The following COMMD4 variants were observed in gnomAD, a reference collection of about 807,000 sequenced individuals.
COMMD4 encodes COMM domain-containing protein 4.
COMMD4 carries 18 observed loss-of-function variants against 27.5 expected under a neutral mutation model. The ratio of observed to expected loss-of-function variants is 0.65; its 90% CI spans 0.45 to 0.97. COMMD4 has a LOEUF of 0.97. Ranked by LOEUF, COMMD4 falls within the 50% of genes least tolerant of loss-of-function variation. The pLI is 0.00. For missense variants in COMMD4, 243 were observed against 250.0 expected (o/e 0.97, Z 0.19); for synonymous variants, 108 against 108.4 (o/e 1.00, Z 0.02).
At position 75,338,630 on chromosome 15, in the gene COMMD4, TCTC is replaced by T; in HGVS notation, c.142-13_142-11del. 1 of 1,613,556 alleles carries T rather than the reference TCTC, an allele frequency of 6.2e-7. No homozygotes were observed. Among genetic ancestry groups the T allele is most frequent in the South Asian group, 1.1e-5 (1 of 91,016 alleles). ...GCAGGGGCCTGGCACCCCCTGAAGG[TCTC>T]CTTTCCCCATAGTATGAGAAGATCC... On this transcript the variant is annotated splice_polypyrimidine_tract_variant and intron_variant, in intron 3 of 7. Coordinates refer to ENST00000267935, the MANE Select transcript of COMMD4 (RefSeq NM_017828.5).
At chr15:75,338,311 G>A (rs765231395) in intron 2 of COMMD4, 44 bp from the exon 3 acceptor site, 79 of 1,517,336 alleles carry the variant, frequency 5.2e-5, no homozygotes, top group Middle Eastern at 4.6e-4. Flanking sequence ...AGGAAGGAGG[G>A]GTGAGGTTTG....
chr15:75,338,454 G>T, intron 3 of COMMD4, 34 bp downstream of exon 3: 1 of 1,607,168 alleles, frequency 6.2e-7, no homozygotes, highest in Non-Finnish European at 8.5e-7. Context: ...ATTGTCCCAT[G>T]ACCTTATGAC....
At chr15:75,341,736 A>C (rs1398352618), downstream of COMMD4, 1 of 152,170 alleles carries the variant, frequency 6.6e-6, no homozygotes, top group African/African-American at 2.4e-5. Flanking sequence ...TTAGGGTCTC[A>C]GAAGGTAAGG....
rs2071299322 is a variant in COMMD4, at chr15:75,338,390, A to C, written c.111A>C (p.Val37=). ...SVKLRLLCSQ[V]LKELLGQGID... ...AGTTGCGGCTGCTCTGCAGCCAGGT[A>C]CTAAAGGAGCTGCTGGGACAGGGGA... Residue 37 remains valine (V), a synonymous_variant, in exon 3 of 8, where the codon GTA becomes GTC. Transcript: ENST00000267935. The C allele has an allele frequency of 3.1e-6, 5 of 1,598,804 alleles. No individual in the cohort carries two copies. Among genetic ancestry groups the C allele is most frequent in the East Asian group, 2.2e-5 (1 of 44,626 alleles).
chr15:75,336,721 C>T (rs1485456193), intron 1 of COMMD4: 2 of 153,996 alleles, frequency 1.3e-5, no homozygotes, highest in Non-Finnish European at 2.9e-5. Context: ...GGGCAGAGAC[C>T]TAACTGCGCC....
intron 5 of COMMD4, 74 bp from the exon 6 acceptor site, chr15:75,339,190 C>G: frequency 6.2e-7 from 1 of 1,612,024 alleles, no homozygotes; most frequent in Non-Finnish European, 8.5e-7. Flanking sequence ...TGAGGTGTAC[C>G]TGCCCTGTCT....
At chr15:75,343,191 A>T (rs1344572812), downstream of COMMD4, 2 of 152,198 alleles carry the variant, frequency 1.3e-5, no homozygotes, top group East Asian at 1.9e-4. Context: ...TACAATTATT[A>T]TTTGTCAATT....
chr15:75,337,943 G>A, intron 1 of COMMD4, 119 bp from the exon 2 acceptor site: 1 of 988,242 alleles, frequency 1.0e-6, no homozygotes, highest in South Asian at 1.6e-5. Context: ...GAGGCCAGAG[G>A]GTATCCATCT....
At chr15:75,336,512 G>T (rs886285636) in intron 1 of COMMD4, 10 of 394,070 alleles carry the variant, frequency 2.5e-5, no homozygotes, top group African/African-American at 2.1e-4. Context: ...ACACTGTTAG[G>T]AAGCCCCTCC....
At chr15:75,339,369 C>T (rs372056038) in intron 6 of COMMD4, 25 bp downstream of exon 6, 207 of 1,606,696 alleles carry the variant, frequency 1.3e-4, no homozygotes, top group Middle Eastern at 2.2e-4. Flanking sequence ...AGCCAGGGTC[C>T]GGGCTCATTC....
downstream of COMMD4, chr15:75,340,928 T>A (rs529537956): frequency 2.0e-4 from 30 of 152,328 alleles, no homozygotes; most frequent in African/African-American, 7.2e-4. Context: ...ATTACAGGCG[T>A]AAGCCACTGC....
At chr15:75,338,184 G>T in intron 2 of COMMD4, 51 bp downstream of exon 2, 4 of 1,550,852 alleles carry the variant, frequency 2.6e-6, no homozygotes, top group Non-Finnish European at 3.5e-6. Flanking sequence ...TGGGGGTGGG[G>T]ATTGTGGGTG....
chr15:75,338,896 C>G (rs1476549723), intron 4 of COMMD4, 89 bp from the exon 5 acceptor site: 6 of 1,606,062 alleles, frequency 3.7e-6, no homozygotes, highest in Non-Finnish European at 5.1e-6. Context: ...CTCCAGGAGG[C>G]CTGGGGGCTT....
At chr15:75,339,135 C>T in intron 5 of COMMD4, 31 bp downstream of exon 5, 1 of 1,612,684 alleles carries the variant, frequency 6.2e-7, no homozygotes, top group South Asian at 1.1e-5. Flanking sequence ...GCTGGGCAGC[C>T]TGTGGGCCAA....
In COMMD4 at chr15:75,340,059, C is replaced by A; in HGVS notation, c.*54C>A. ...GCCGCCCTGCCCGTATGGAGTCACG[C>A]CCTCTGAACTGCTCTTCGGGAGGCA... On this transcript the variant is annotated 3_prime_UTR_variant, in exon 8 of 8. Coordinates refer to ENST00000267935, the MANE Select transcript of COMMD4 (RefSeq NM_017828.5). 1 of 1,598,470 alleles carries A rather than the reference C, an allele frequency of 6.3e-7. No homozygotes were observed. The highest frequency in any genetic ancestry group is 8.5e-7 in the Non-Finnish European group (1 of 1,170,152).
At chr15:75,339,585 TG>T in intron 6 of COMMD4, 116 bp from the exon 7 acceptor site, 1 of 1,230,628 alleles carries the variant, frequency 8.1e-7, no homozygotes, top group Non-Finnish European at 1.1e-6. Context: ...GTCAGCAGGA[TG>T]GGAGCTTCTT....
At chr15:75,336,595 C>T (rs2071202613) in intron 1 of COMMD4, 2 of 204,620 alleles carry the variant, frequency 9.8e-6, no homozygotes, top group South Asian at 2.1e-4. Context: ...TCCATCCATC[C>T]GTACGTTCTA....
chr15:75,338,480 A>C, intron 3 of COMMD4, 60 bp downstream of exon 3: 1 of 1,597,730 alleles, frequency 6.3e-7, no homozygotes. Context: ...CTGCCCTGAA[A>C]CTCTGCACTA....
chr15:75,336,474 A>T, intron 1 of COMMD4: 1 of 517,198 alleles, frequency 1.9e-6, no homozygotes. Context: ...TTGTACAAGA[A>T]GGTGCTTAGA....
Sources: gnomAD v4.1 joint callset for allele counts on GRCh38, gnomAD v4.1.1 for gene constraint, MANE v1.5 for transcripts, NCBI Gene and HGNC (gene_info 2026-07-23, HGNC 2026-07-21) for gene names.